The following KANK1 variants were observed in gnomAD, a reference collection of about 807,000 sequenced individuals.
KANK1 encodes KN motif and ankyrin repeat domain-containing protein 1.
KANK1 carries 109 observed loss-of-function variants against 106.2 expected under a neutral mutation model. That is an observed-to-expected ratio of 1.03 (90% CI 0.88 to 1.20). The LOEUF (loss-of-function observed/expected upper bound fraction) is 1.20. Ranked by LOEUF, KANK1 falls within the 50% of genes most tolerant of loss-of-function variation. The pLI is 0.00. For missense variants in KANK1, 2,399 were observed against 1,710.7 expected (o/e 1.40, Z -7.10); for synonymous variants, 873 against 652.2 (o/e 1.34, Z -5.16).
chr9:688,234 C>G (rs1465482722), intron 2 of KANK1, among the ~76,000 whole-genome samples: 1 of 152,230 alleles, frequency 6.6e-6, no homozygotes, highest in Admixed American at 6.5e-5. Flanking sequence ...GTCACACACA[C>G]ACTCTTGCGT....
At chr9:518,144 AGGAAACACTGCTAAAGGGG>A (rs1450471582) in intron 1 of KANK1, among the ~76,000 whole-genome samples, 1 of 151,838 alleles carries the variant, frequency 6.6e-6, no homozygotes, top group East Asian at 1.9e-4. Context: ...TAGCAAAAGG[AGGAAACACTGCTAAAGGGG>A]CTTGAAGTTT....
At chr9:739,468 T>TAA (rs1564128966) in intron 8 of KANK1, among the ~76,000 whole-genome samples, 2 of 152,216 alleles carry the variant, frequency 1.3e-5, no homozygotes, top group African/African-American at 4.8e-5. Context: ...CTTTCTCTTA[T>TAA]AAGTGTGTTT....
chr9:513,629 T>C (rs2059129193), intron 1 of KANK1, among the ~76,000 whole-genome samples: 1 of 152,240 alleles, frequency 6.6e-6, no homozygotes, highest in Admixed American at 6.5e-5. Flanking sequence ...ACTTGGTTAG[T>C]GGCAAGAATG....
chr9:607,541 T>C (rs1829535423), intron 1 of KANK1, among the ~76,000 whole-genome samples: 1 of 150,850 alleles, frequency 6.6e-6, no homozygotes. Context: ...ACTGTTTCAG[T>C]TGAGTACCTC....
chr9:686,967 C>T (rs1818727585), intron 2 of KANK1: 2 of 980,918 alleles, frequency 2.0e-6, no homozygotes, highest in African/African-American at 3.5e-5. Flanking sequence ...GGCTCTTATC[C>T]TTTGGTATGT....
chr9:499,177 CAAAAAA>C, intron 3 of KANK1, among the ~76,000 whole-genome samples: 1 of 118,026 alleles, frequency 8.5e-6, no homozygotes, highest in South Asian at 2.6e-4. Context: ...GACTCTGTCT[CAAAAAA>C]AAAAAAAAAG....
At chr9:505,394 C>G (rs1299973373) in intron 1 of KANK1, among the ~76,000 whole-genome samples, 1 of 152,208 alleles carries the variant, frequency 6.6e-6, no homozygotes, top group African/African-American at 2.4e-5. Flanking sequence ...GGCGGCCCAA[C>G]CCGGCGCGGG....
At chr9:661,739 C>T (rs920780753) in intron 1 of KANK1, among the ~76,000 whole-genome samples, 5 of 152,114 alleles carry the variant, frequency 3.3e-5, no homozygotes, top group African/African-American at 1.2e-4. Flanking sequence ...ACACTCCCAC[C>T]AACTGTGTAA....
At chr9:568,962 T>C (rs955352361) in intron 1 of KANK1, among the ~76,000 whole-genome samples, 2 of 152,200 alleles carry the variant, frequency 1.3e-5, no homozygotes, top group African/African-American at 4.8e-5. Flanking sequence ...TATTTGAGTA[T>C]GTAGCTCACT....
At chr9:721,851 G>C (rs928098086) in intron 3 of KANK1, among the ~76,000 whole-genome samples, 1 of 152,224 alleles carries the variant, frequency 6.6e-6, no homozygotes, top group African/African-American at 2.4e-5. Flanking sequence ...AAGGCATACG[G>C]TCAACTTGAA....
chr9:508,282 C>T (rs2058865638), intron 1 of KANK1, among the ~76,000 whole-genome samples: 1 of 151,608 alleles, frequency 6.6e-6, no homozygotes, highest in Non-Finnish European at 1.5e-5. Context: ...GGATTGCAGG[C>T]ATCTGCCACC....
chr9:693,492 A>C (rs923455414), intron 2 of KANK1: 9 of 985,440 alleles, frequency 9.1e-6, no homozygotes, highest in Non-Finnish European at 1.1e-5. Context: ...GGATAGTTTG[A>C]AAAATCAGAA....
intron 1 of KANK1, among the ~76,000 whole-genome samples, chr9:582,810 C>G (rs956662565): frequency 6.6e-6 from 1 of 152,186 alleles, no homozygotes; most frequent in Admixed American, 6.5e-5. Flanking sequence ...TTATACAGCA[C>G]AGTGTGCTTT....
At chr9:501,613 TACACACAC>T (rs60211646), upstream of KANK1, among the ~76,000 whole-genome samples, 2,982 of 148,536 alleles carry the variant, frequency 0.02, 115 homozygotes, top group South Asian at 0.12. Flanking sequence ...CGCACAGACA[TACACACAC>T]ACACACACAC....
chr9:676,078 C>G (rs1395990691), intron 1 of KANK1, among the ~76,000 whole-genome samples: 1 of 152,172 alleles, frequency 6.6e-6, no homozygotes, highest in African/African-American at 2.4e-5. Flanking sequence ...ACTTTCATCT[C>G]CATCTTGGTT....
chr9:693,252 T>A (rs1184187413), intron 2 of KANK1, among the ~76,000 whole-genome samples: 1 of 152,148 alleles, frequency 6.6e-6, no homozygotes, highest in Non-Finnish European at 1.5e-5. Flanking sequence ...TTGCCTCCAT[T>A]CCAGCCTCGG....
Position 732,295 on chromosome 9 carries a change from T to A in KANK1, c.3006-83T>A. ...CACTAGTGAAATTTCTGGAGTCAATTAGCAAATCCCTTCATAGAAATTTCT... is the reference window on the plus strand; with the variant it reads ...CACTAGTGAAATTTCTGGAGTCAATAAGCAAATCCCTTCATAGAAATTTCT... On this transcript the variant is annotated intron_variant, in intron 5 of 11. Coordinates refer to ENST00000382297, the MANE Select transcript of KANK1 (RefSeq NM_015158.5). The A allele has an allele frequency of 2.0e-6, 3 of 1,496,710 alleles. No individual in the cohort carries two copies. In the South Asian group the frequency reaches 3.9e-5, roughly 20 times the overall value. The allele number at this position is 1,496,710 out of a possible 1,614,324, so 92.7% of individuals were successfully genotyped here. A position where few individuals can be genotyped will look rare whatever the true frequency, so the allele number is the denominator to read the frequency against.
At chr9:543,588 C>A (rs2060744520) in intron 1 of KANK1, among the ~76,000 whole-genome samples, 1 of 148,864 alleles carries the variant, frequency 6.7e-6, no homozygotes, top group African/African-American at 2.5e-5. Flanking sequence ...AATTGAAAAT[C>A]CGCAAGCTTC....
At chr9:710,577 C>T (rs1476797476) in intron 2 of KANK1, among the ~76,000 whole-genome samples, 1 of 137,580 alleles carries the variant, frequency 7.3e-6, no homozygotes, top group Non-Finnish European at 1.5e-5. Context: ...GAGATCATGC[C>T]ATTGCAGCTC....
Sources: allele counts gnomAD v4.1 joint callset (sites outside exome capture counted in the v4.1 genomes callset), GRCh38; gene constraint gnomAD v4.1.1; transcripts MANE v1.5; gene names NCBI Gene and HGNC (gene_info 2026-07-23, HGNC 2026-07-21).